Variants in ARSK observed in about 807,000 individuals in gnomAD.
ARSK encodes arylsulfatase family member K.
Under a neutral mutation model 53.2 loss-of-function variants are expected in ARSK, and 37 were observed. The ratio of observed to expected loss-of-function variants is 0.70; its 90% CI spans 0.54 to 0.92. ARSK has a LOEUF of 0.92. Ranked by LOEUF, ARSK falls within the 40% of genes least tolerant of loss-of-function variation. ARSK has a pLI of 0.00. For synonymous variants in ARSK, 208 were observed against 223.2 expected, an observed-to-expected ratio of 0.93 and a Z score of 0.61; for missense variants, 613 against 643.0, an observed-to-expected ratio of 0.95 and a Z score of 0.51.
At chr5:95,560,953 C>T (rs910737394) in intron 1 of ARSK, among the ~76,000 whole-genome samples, 2 of 151,740 alleles carry the variant, frequency 1.3e-5, no homozygotes, top group Non-Finnish European at 2.9e-5. Context: ...TACAGGTGCC[C>T]GCCACCACAC....
intron 3 of ARSK, among the ~76,000 whole-genome samples, chr5:95,577,933 C>T (rs1178788324): frequency 6.6e-6 from 1 of 152,004 alleles, no homozygotes; most frequent in Admixed American, 6.6e-5. Flanking sequence ...AAAAATGAAA[C>T]AGTTGTAATT....
In ARSK at chr5:95,555,701, CA is replaced by C. The variant is rs1311215556; in HGVS notation, c.126+298del. 1.3e-5 allele frequency among the ~76,000 whole-genome samples: 2 copies of C among 152,076 alleles called. No homozygotes were observed. Among genetic ancestry groups the C allele is most frequent in the African/African-American group, 2.4e-5 (1 of 41,392 alleles). Reference sequence around the variant, plus strand: ...TACCACGACTAATGAACTTTCAGTCCATACCCCCGTTTGGTTTAATTGTGTG... The same window carrying C: ...TACCACGACTAATGAACTTTCAGTCCTACCCCCGTTTGGTTTAATTGTGTG... On this transcript the variant is annotated intron_variant, in intron 1 of 7. Transcript: ENST00000380009. This position sits in a 1 kb window ranked among gnomAD's most constrained non-coding sequence, Gnocchi z 4.0.
rs1383828374 is a variant in ARSK at position 95,604,969 on chromosome 5, A to C, written c.*1443A>C. On this transcript the variant is annotated 3_prime_UTR_variant, in exon 8 of 8. Transcript: ENST00000380009. The stretch of plus-strand genomic sequence containing the variant: ...GTTCTGGTATTTTTTGATATGTAGA[A>C]ATTTTTATTTTCATGTAAGCAAATT... The C allele has an allele frequency of 6.6e-6, 1 of 152,178 alleles. No individual in the cohort carries two copies. Among genetic ancestry groups the C allele is most frequent in the Non-Finnish European group, 1.5e-5 (1 of 68,036 alleles). 9.4% of individuals were successfully genotyped at this position (152,178 alleles called of 1,614,324 possible).
At position 95,560,978 on chromosome 5, in the gene ARSK, A is replaced by T. The variant is rs545951276; in HGVS notation, c.127-5020A>T. ...CGCCACCACACCCAGATAATTTTTT[A>T]ATTTTTATTTTTAGTAGAGATGGGG... On this transcript the variant is annotated intron_variant, in intron 1 of 7. Transcript: ENST00000380009. 1.6e-3 allele frequency among the ~76,000 whole-genome samples: 241 copies of T among 151,738 alleles called. 3 individuals carry two copies. The highest frequency in any genetic ancestry group is 5.7e-3 in the African/African-American group (235 of 41,394).
rs60981870 is a variant in ARSK, at chr5:95,584,345, G to A, written c.699+1147G>A. ...TAAAGAGCTAGCAGCATATCAGTGT[G>A]AAAGTTTGTACTTCTTGCAGTTATT... On this transcript the variant is annotated intron_variant, in intron 4 of 7. Coordinates refer to ENST00000380009, the MANE Select transcript of ARSK (RefSeq NM_198150.3). Among the ~76,000 whole-genome samples the A allele has an allele frequency of 6.6e-3, 1,008 of 152,282 alleles. 14 individuals carry two copies. The highest frequency in any genetic ancestry group is 0.023 in the African/African-American group (951 of 41,552).
At chr5:95,559,149 A>G (rs1748583143) in intron 1 of ARSK, among the ~76,000 whole-genome samples, 1 of 152,198 alleles carries the variant, frequency 6.6e-6, no homozygotes, top group Non-Finnish European at 1.5e-5. Context: ...TCAAAAAACA[A>G]AAACAAAAAA....
chr5:95,558,234 A>G (rs551685282), intron 1 of ARSK, among the ~76,000 whole-genome samples: 3 of 152,328 alleles, frequency 2.0e-5, no homozygotes, highest in Admixed American at 2.0e-4. Flanking sequence ...AAGTGCGGAA[A>G]GTTGAGAATC....
intron 1 of ARSK, among the ~76,000 whole-genome samples, chr5:95,556,042 G>A (rs935844382): frequency 2.0e-5 from 3 of 152,180 alleles, no homozygotes. Context: ...GATGCTTTTA[G>A]GATGATCCAT....
chr5:95,567,749 T>C (rs2161258), intron 2 of ARSK, 141 bp from the exon 3 acceptor site: 86,728 of 690,310 alleles, frequency 0.13, 7,907 homozygotes, highest in African/African-American at 0.37. Flanking sequence ...TCAGAAATGT[T>C]TGGTAAGGCA....
At chr5:95,569,832 T>A (rs1748795026) in intron 3 of ARSK, among the ~76,000 whole-genome samples, 1 of 152,224 alleles carries the variant, frequency 6.6e-6, no homozygotes, top group African/African-American at 2.4e-5. Context: ...CTCTCCTAGT[T>A]ACTGTTTAAT....
Position 95,555,431 on chromosome 5 carries a change from C to A in ARSK, c.126+27C>A. The A allele has an allele frequency of 6.3e-7, 1 of 1,580,204 alleles. No homozygotes were observed. The highest frequency in any genetic ancestry group is 8.6e-7 in the Non-Finnish European group (1 of 1,160,674). The stretch of plus-strand genomic sequence containing the variant: ...TAAGTACCGCGAGGCAGGGGAGGGG[C>A]GCCCCGCTGGGGATCGGCGACCTCA... On this transcript the variant is annotated intron_variant, in intron 1 of 7. Transcript: ENST00000380009. This position sits in a 1 kb window ranked among gnomAD's most constrained non-coding sequence, Gnocchi z 4.0.
intron 3 of ARSK, among the ~76,000 whole-genome samples, chr5:95,577,558 G>A (rs1308362791): frequency 6.6e-6 from 1 of 152,162 alleles, no homozygotes; most frequent in African/African-American, 2.4e-5. Flanking sequence ...GAATCAAAAA[G>A]GCTGCCTTTG....
intron 1 of ARSK, among the ~76,000 whole-genome samples, chr5:95,565,349 C>G (rs1231313121): frequency 3.9e-5 from 6 of 152,190 alleles, no homozygotes; most frequent in Non-Finnish European, 7.3e-5. Context: ...TCCCAAAGTG[C>G]TGGGATTATA....
intron 3 of ARSK, among the ~76,000 whole-genome samples, chr5:95,569,595 T>A (rs1411480079): frequency 6.6e-6 from 1 of 152,140 alleles, no homozygotes; most frequent in Non-Finnish European, 1.5e-5. Context: ...CACCATAAGT[T>A]AGGAAGAGGC....
chr5:95,584,914 G>A (rs916550784), intron 4 of ARSK, among the ~76,000 whole-genome samples: 2 of 152,142 alleles, frequency 1.3e-5, no homozygotes, highest in Non-Finnish European at 2.9e-5. Context: ...GGAGGCTAAG[G>A]CTGGAGAATC....
chr5:95,568,171 C>T (rs975631832), intron 3 of ARSK, 122 bp downstream of exon 3: 11 of 1,080,986 alleles, frequency 1.0e-5, no homozygotes, highest in Admixed American at 5.9e-5. Flanking sequence ...TTAATCCCTT[C>T]ATTGTGTTAA....
chr5:95,586,474 A>T, intron 4 of ARSK, 88 bp from the exon 5 acceptor site: 1 of 1,028,098 alleles, frequency 9.7e-7, no homozygotes, highest in Non-Finnish European at 1.5e-6. Flanking sequence ...AAGTAATTAA[A>T]CATTGTTGAT....
intron 2 of ARSK, among the ~76,000 whole-genome samples, chr5:95,566,898 A>G (rs980825160): frequency 6.6e-6 from 1 of 152,198 alleles, no homozygotes; most frequent in Non-Finnish European, 1.5e-5. Context: ...TATATTTTCA[A>G]CACTAACAAC....
At chr5:95,593,117 A>G (rs2112443645) in intron 6 of ARSK, among the ~76,000 whole-genome samples, 1 of 152,214 alleles carries the variant, frequency 6.6e-6, no homozygotes, top group East Asian at 1.9e-4. Context: ...TATATTCTTT[A>G]CAATTTCCTT....
Sources: gnomAD v4.1 joint callset for allele counts (sites outside exome capture counted in the v4.1 genomes callset) on GRCh38, gnomAD v4.1.1 for gene constraint, Gnocchi (gnomAD v3.1) non-coding constraint, MANE v1.5 for transcripts, NCBI Gene and HGNC (gene_info 2026-07-23, HGNC 2026-07-21) for gene names.